TCF7L1: variants seen among roughly 807,000 people sequenced by gnomAD.
The protein encoded by TCF7L1 is transcription factor 7 like 1, also known as transcription factor 7-like 1.
Under a neutral mutation model 63.7 loss-of-function variants are expected in TCF7L1, and 18 were observed. The observed-to-expected ratio is 0.28, with a 90% CI of 0.20 to 0.42. The LOEUF is 0.42. TCF7L1 is among the 10% of genes least tolerant of loss of function. TCF7L1 has a pLI of 1.00. For missense variants in TCF7L1, 654 were observed against 779.3 expected (o/e 0.84, Z 1.91); for synonymous variants, 355 against 340.9 (o/e 1.04, Z -0.46).
chr2:85,274,714 G>GTTT (rs909362818), intron 3 of TCF7L1, among the ~76,000 whole-genome samples: 2 of 152,190 alleles, frequency 1.3e-5, no homozygotes, highest in Non-Finnish European at 1.5e-5. Flanking sequence ...AAATGCTTTG[G>GTTT]TTTTTCACTT....
intron 3 of TCF7L1, among the ~76,000 whole-genome samples, chr2:85,193,024 A>G (rs1215272445): frequency 6.6e-6 from 1 of 152,170 alleles, no homozygotes; most frequent in Non-Finnish European, 1.5e-5. Flanking sequence ...CAATAAAATT[A>G]AGTTCTTATT....
intron 3 of TCF7L1, among the ~76,000 whole-genome samples, chr2:85,261,123 GGTGTGT>G (rs3223762): frequency 0.022 from 2,362 of 106,718 alleles, 37 homozygotes; most frequent in South Asian, 0.047. Flanking sequence ...AATTATTGCT[GGTGTGT>G]GTGTGTGTGT....
intron 3 of TCF7L1, among the ~76,000 whole-genome samples, chr2:85,275,630 A>G (rs1311118293): frequency 6.6e-6 from 1 of 152,176 alleles, no homozygotes; most frequent in African/African-American, 2.4e-5. Context: ...GTTTAAGACC[A>G]GTGTAGGCCA....
chr2:85,278,603 CA>C (rs775661000), intron 3 of TCF7L1, among the ~76,000 whole-genome samples: 6 of 152,246 alleles, frequency 3.9e-5, no homozygotes, highest in Middle Eastern at 3.4e-3. Context: ...AAAAATGCAA[CA>C]ACTGCTCCAA....
At chr2:85,170,370 G>A (rs1384961175) in intron 3 of TCF7L1, among the ~76,000 whole-genome samples, 1 of 152,134 alleles carries the variant, frequency 6.6e-6, no homozygotes, top group Non-Finnish European at 1.5e-5. Context: ...TTCATCAAAA[G>A]AAAATTGAGC....
chr2:85,306,411 C>T lies in TCF7L1; in HGVS notation c.1150-41C>T. The T allele has an allele frequency of 6.2e-7, 1 of 1,613,634 alleles. No homozygotes were observed. Among genetic ancestry groups the T allele is most frequent in the African/African-American group, 1.3e-5 (1 of 75,036 alleles). ...CCAGGCCAGGGAGGCAGCGTCCCTG[C>T]ATTGATGGCTCCGTGTGGTCTCTGA... is the stretch of plus-strand genomic sequence containing the variant. On this transcript the variant is annotated intron_variant, in intron 9 of 11. Coordinates refer to ENST00000282111, the MANE Select transcript of TCF7L1 (RefSeq NM_031283.3). This position sits in a 1 kb window ranked among gnomAD's most constrained non-coding sequence, Gnocchi z 4.3.
At chr2:85,270,528 C>G (rs898241101) in intron 3 of TCF7L1, among the ~76,000 whole-genome samples, 8 of 152,188 alleles carry the variant, frequency 5.3e-5, no homozygotes, top group African/African-American at 1.9e-4. Flanking sequence ...TTTTAATCAA[C>G]TGTTAGTAGC....
intron 3 of TCF7L1, among the ~76,000 whole-genome samples, chr2:85,244,284 G>A (rs1397773912): frequency 3.3e-5 from 5 of 152,164 alleles, no homozygotes; most frequent in Non-Finnish European, 7.4e-5. Flanking sequence ...AGTAGAGAGG[G>A]GTCTTGAGCA....
intron 3 of TCF7L1, among the ~76,000 whole-genome samples, chr2:85,164,113 A>AT (rs1331232321): frequency 2.0e-5 from 3 of 152,190 alleles, no homozygotes; most frequent in African/African-American, 7.2e-5. Context: ...GGGTAGCTGC[A>AT]TATTTTTTTT....
At chr2:85,170,336 T>C (rs1417191716) in intron 3 of TCF7L1, among the ~76,000 whole-genome samples, 1 of 152,176 alleles carries the variant, frequency 6.6e-6, no homozygotes, top group Non-Finnish European at 1.5e-5. Flanking sequence ...CAAGTCAATT[T>C]TGGAGGAGTA....
chr2:85,257,208 T>C (rs1680739957), intron 3 of TCF7L1, among the ~76,000 whole-genome samples: 3 of 152,132 alleles, frequency 2.0e-5, no homozygotes, highest in Non-Finnish European at 4.4e-5. Context: ...AACAAAATCC[T>C]GTCTTAAAGA....
At chr2:85,301,498 G>C (rs138525363) in intron 4 of TCF7L1, among the ~76,000 whole-genome samples, 167 of 152,320 alleles carry the variant, frequency 1.1e-3, no homozygotes, top group Admixed American at 1.6e-3. Flanking sequence ...AGTTAATTCT[G>C]TTTACCAATT....
intron 3 of TCF7L1, among the ~76,000 whole-genome samples, chr2:85,246,429 C>A (rs922432510): frequency 1.3e-5 from 2 of 152,254 alleles, no homozygotes; most frequent in Non-Finnish European, 2.9e-5. Flanking sequence ...ACAGCTCCAC[C>A]CACATATTCC....
At chr2:85,229,313 C>T (rs1256323647) in intron 3 of TCF7L1, among the ~76,000 whole-genome samples, 1 of 152,090 alleles carries the variant, frequency 6.6e-6, no homozygotes, top group Non-Finnish European at 1.5e-5. Flanking sequence ...TGCCAGTGCA[C>T]TCCAGCTGGG....
chr2:85,252,007 C>T (rs72840018), intron 3 of TCF7L1, among the ~76,000 whole-genome samples: 7,766 of 152,136 alleles, frequency 0.051, 274 homozygotes, highest in Non-Finnish European at 0.077. Flanking sequence ...CCCAGGAGGT[C>T]GAGACTTCAG....
At chr2:85,269,088 A>G (rs918130692) in intron 3 of TCF7L1, among the ~76,000 whole-genome samples, 1 of 152,194 alleles carries the variant, frequency 6.6e-6, no homozygotes, top group Non-Finnish European at 1.5e-5. Context: ...TTGGGAAGAC[A>G]ATAGTGGTGT....
chr2:85,298,190 T>TAAAAAAAAA (rs1681875794), intron 4 of TCF7L1, among the ~76,000 whole-genome samples: 1 of 12,290 alleles, frequency 8.1e-5, no homozygotes, highest in Non-Finnish European at 1.1e-4. Context: ...AGACTCCATC[T>TAAAAAAAAA]CAAAAAAAAA....
intron 3 of TCF7L1, among the ~76,000 whole-genome samples, chr2:85,237,098 T>C (rs1159743633): frequency 6.6e-6 from 1 of 152,194 alleles, no homozygotes; most frequent in Non-Finnish European, 1.5e-5. Context: ...TGCCCTGAAG[T>C]ATGGTCCAGG....
chr2:85,249,512 A>G (rs1680543773), intron 3 of TCF7L1, among the ~76,000 whole-genome samples: 1 of 152,052 alleles, frequency 6.6e-6, no homozygotes, highest in African/African-American at 2.4e-5. Context: ...TTCTGCCTTG[A>G]TAAAGTGTAC....
Sources: allele counts gnomAD v4.1 joint callset (sites outside exome capture counted in the v4.1 genomes callset), GRCh38; gene constraint gnomAD v4.1.1; non-coding constraint Gnocchi (gnomAD v3.1); transcripts MANE v1.5; gene names NCBI Gene and HGNC (gene_info 2026-07-23, HGNC 2026-07-21).